ADGRE2: variants seen among roughly 807,000 people sequenced by gnomAD.
ADGRE2 encodes adhesion G protein-coupled receptor E2.
A neutral mutation model predicts 100.8 loss-of-function variants in ADGRE2; 83 were observed. The ratio of observed to expected loss-of-function variants is 0.82; its 90% CI spans 0.69 to 0.99. The LOEUF is 0.99. Ranked by LOEUF, ADGRE2 falls within the 50% of genes least tolerant of loss-of-function variation. The pLI is 0.00. For synonymous variants in ADGRE2, 355 were observed against 413.0 expected, an observed-to-expected ratio of 0.86 and a Z score of 1.70; for missense variants, 814 against 1,035.7, an observed-to-expected ratio of 0.79 and a Z score of 2.94.
chr19:14,752,528 T>C lies in ADGRE2; in HGVS notation c.1591-2A>G. On this transcript the variant is annotated splice_acceptor_variant, in intron 14 of 20. Transcript: ENST00000315576. LOFTEE classifies it high-confidence loss of function. ...GACAGTCAGCACGGGATCCTCCTCC[T>C]GGGACCCGGAAAAGAAGAGTTCACA... The C allele has an allele frequency of 2.5e-6, 4 of 1,613,878 alleles. No individual in the cohort carries two copies. The highest frequency in any genetic ancestry group is 3.4e-6 in the Non-Finnish European group (4 of 1,179,862).
In ADGRE2 at chr19:14,743,541, A is replaced by G. The variant is rs188614890; in HGVS notation, c.2353-11T>C. 6.2e-7 allele frequency: 1 copy of G among 1,613,870 alleles called. No individual in the cohort carries two copies. The highest frequency in any genetic ancestry group is 8.5e-7 in the Non-Finnish European group (1 of 1,179,742). ...ATATTGCTCCCGGACCTGCAGAGGCAAAGTGTGTACTGGGTCAGCTCACAG... is the reference window on the plus strand; with the variant it reads ...ATATTGCTCCCGGACCTGCAGAGGCGAAGTGTGTACTGGGTCAGCTCACAG... On this transcript the variant is annotated splice_polypyrimidine_tract_variant and intron_variant, in intron 19 of 20. Coordinates refer to ENST00000315576, the MANE Select transcript of ADGRE2 (RefSeq NM_013447.4).
At chr19:14,759,488 C>CATATATATATATATATATATATATAT (rs147074153) in intron 11 of ADGRE2, among the ~76,000 whole-genome samples, 8 of 133,580 alleles carry the variant, frequency 6.0e-5, no homozygotes, top group African/African-American at 2.5e-4. Flanking sequence ...ATAAGTTATA[C>CATATATATATATATATATATATATAT]ATATATATAT....
chr19:14,770,669 C>CTTTTTTTTTTTTTTTTTTTTTTTT (rs775214778), intron 5 of ADGRE2, among the ~76,000 whole-genome samples: 4 of 85,012 alleles, frequency 4.7e-5, no homozygotes, highest in Non-Finnish European at 9.2e-5. Flanking sequence ...TCTTTCTTTT[C>CTTTTTTTTTTTTTTTTTTTTTTTT]TTTTTTTTTT....
intron 5 of ADGRE2, 81 bp downstream of exon 5, chr19:14,772,261 C>A: frequency 1.3e-6 from 2 of 1,584,392 alleles, no homozygotes; most frequent in Non-Finnish European, 8.7e-7. Context: ...TGGGTACCTG[C>A]TCCCTGGATG....
chr19:14,773,342 T>TTCCC (rs1381662894), intron 4 of ADGRE2, among the ~76,000 whole-genome samples: 1 of 143,168 alleles, frequency 7.0e-6, no homozygotes, highest in Non-Finnish European at 1.5e-5. Context: ...TCCTTTTTCT[T>TTCCC]TCCCTCCCTC....
chr19:14,763,892 GTCC>G (rs2043846445), intron 11 of ADGRE2, among the ~76,000 whole-genome samples: 2 of 47,648 alleles, frequency 4.2e-5, no homozygotes, highest in Non-Finnish European at 7.7e-5. Context: ...TCTTCCTCTT[GTCC>G]TCCTCCTCCC....
rs1394926298 is a variant in ADGRE2, at chr19:14,773,528, C to T, written c.199+410G>A. ...CTCTTTCTTTGTTTCTTTCTTTTTC[C>T]TGAGACAGGATCTCACTCTGTTGCC... On this transcript the variant is annotated intron_variant, in intron 4 of 20. Transcript: ENST00000315576. Among the ~76,000 whole-genome samples, 3 of 148,782 alleles carry T rather than the reference C, an allele frequency of 2.0e-5. No homozygotes were observed. In the Admixed American group the frequency reaches 2.0e-4, roughly 10 times the overall value.
At chr19:14,765,241 C>G (rs1728388050) in intron 10 of ADGRE2, 79 bp downstream of exon 10, 4 of 1,521,500 alleles carry the variant, frequency 2.6e-6, no homozygotes, top group Non-Finnish European at 3.6e-6. Flanking sequence ...TGTCCCCTCC[C>G]AGACCCAAAC....
At chr19:14,744,618 C>A (rs1440590487) in intron 18 of ADGRE2, among the ~76,000 whole-genome samples, 1 of 151,938 alleles carries the variant, frequency 6.6e-6, no homozygotes, top group Non-Finnish European at 1.5e-5. Context: ...CCATGCCTGG[C>A]TAATTTTTGT....
intron 16 of ADGRE2, among the ~76,000 whole-genome samples, chr19:14,751,142 AAGATGCCCT>A (rs1459800091): frequency 6.6e-6 from 1 of 152,178 alleles, no homozygotes; most frequent in Non-Finnish European, 1.5e-5. Context: ...TTCTAGCAGA[AAGATGCCCT>A]AGGGATTATG....
the ADGRE2 span, among the ~76,000 whole-genome samples, chr19:14,727,375 A>G: frequency 2.6e-5 from 4 of 152,184 alleles, no homozygotes; most frequent in Admixed American, 6.5e-5. Context: ...CTGCACAAAC[A>G]TGGTACCAAC....
At chr19:14,741,472 C>CTTTTTTT (rs56228507) in intron 20 of ADGRE2, 2 of 77,306 alleles carry the variant, frequency 2.6e-5, no homozygotes, top group Non-Finnish European at 2.3e-5. Flanking sequence ...CTGTACATTT[C>CTTTTTTT]TTTTTTTTTT....
intron 11 of ADGRE2, among the ~76,000 whole-genome samples, chr19:14,762,828 G>A (rs962557134): frequency 1.3e-5 from 2 of 151,860 alleles, no homozygotes; most frequent in African/African-American, 2.4e-5. Flanking sequence ...ATTTTCAGTA[G>A]AGATGGGGTT....
rs747287302 is a variant in ADGRE2 at position 14,772,462 on chromosome 19, A to G, written c.235T>C (p.Cys79Arg). The G allele has an allele frequency of 3.8e-5, 61 of 1,613,876 alleles. No homozygotes were observed. The highest frequency in any genetic ancestry group is 5.0e-5 in the Non-Finnish European group (59 of 1,179,992). The change falls in exon 5 of 21, where the codon TGC (cysteine) becomes CGC (arginine). Residue 79 changes from cysteine to arginine, a missense_variant. Coordinates refer to ENST00000315576, the MANE Select transcript of ADGRE2 (RefSeq NM_013447.4). ...TTCCAGCAGTCCGAGAATTTTCCGC[A>G]TGACACTTTCGACAGTGTTGCACAC... ...NECATLSKVSCGKFSDCWNTE... is the reference protein window; with the variant it reads ...NECATLSKVSRGKFSDCWNTE...
intron 11 of ADGRE2, among the ~76,000 whole-genome samples, chr19:14,758,776 T>C (rs2043590462): frequency 6.7e-6 from 1 of 150,062 alleles, no homozygotes; most frequent in Non-Finnish European, 1.5e-5. Flanking sequence ...TCCCAGCTAC[T>C]CCGGAGGCTG....
intron 4 of ADGRE2, 131 bp from the exon 5 acceptor site, chr19:14,772,628 C>T (rs528733198): frequency 3.7e-5 from 40 of 1,083,514 alleles, no homozygotes; most frequent in Admixed American, 3.5e-4. Context: ...AGTTGCACTG[C>T]ACAGGCTATG....
chr19:14,776,279 GAA>G, intron 2 of ADGRE2: 1 of 171,006 alleles, frequency 5.8e-6, no homozygotes, highest in Non-Finnish European at 1.3e-5. Context: ...GAGAGAGAGA[GAA>G]AGAAGGGAGA....
downstream of ADGRE2, chr19:14,731,283 T>C: frequency 1.6e-6 from 2 of 1,217,910 alleles, no homozygotes; most frequent in Non-Finnish European, 2.3e-6. Context: ...GCTTGAAGAC[T>C]CCAAATCTGC....
chr19:14,735,329 A>G lies in ADGRE2; in HGVS notation c.*907T>C, dbSNP rs2042728177. 6.6e-6 allele frequency: 1 copy of G among 152,120 alleles called. No homozygotes were observed. The highest frequency in any genetic ancestry group is 2.4e-5 in the African/African-American group (1 of 41,398). The allele number at this position is 152,120 out of a possible 1,614,324, so 9.4% of individuals were successfully genotyped here. ...GGTCTCAAACTCCTGGGCTTGAGCCATCCTCCTGCCTCACCCTCCCAAAGT... is the reference window on the plus strand; with the variant it reads ...GGTCTCAAACTCCTGGGCTTGAGCCGTCCTCCTGCCTCACCCTCCCAAAGT... On this transcript the variant is annotated 3_prime_UTR_variant, in exon 21 of 21. Coordinates refer to ENST00000315576, the MANE Select transcript of ADGRE2 (RefSeq NM_013447.4).
Sources: gnomAD v4.1 joint callset for allele counts (sites outside exome capture counted in the v4.1 genomes callset) on GRCh38, gnomAD v4.1.1 for gene constraint, MANE v1.5 for transcripts, NCBI Gene and HGNC (gene_info 2026-07-23, HGNC 2026-07-21) for gene names.